Variants in PRSS23 observed in about 807,000 individuals in gnomAD.
PRSS23 encodes serine protease 23, also known as protease, serine 23.
PRSS23 carries 25 observed loss-of-function variants against 34.7 expected under a neutral mutation model. The ratio of observed to expected loss-of-function variants is 0.72; its 90% confidence interval spans 0.53 to 1.01. PRSS23 has a LOEUF of 1.01. PRSS23 is among the 50% of genes least tolerant of loss of function. PRSS23 has a pLI of 0.00. For missense variants in PRSS23, 445 were observed against 475.6 expected (o/e 0.94, Z 0.60); for synonymous variants, 176 against 186.6 (o/e 0.94, Z 0.46).
At chr11:86,936,180 C>G (rs779104158) in intron 2 of PRSS23, 1 of 152,226 alleles carries the variant, frequency 6.6e-6, no homozygotes, top group Non-Finnish European at 1.5e-5. Flanking sequence ...AACCACCTGG[C>G]AGGACTTGGG....
At chr11:86,936,649 A>G (rs1268034113) in intron 2 of PRSS23, 1 of 152,092 alleles carries the variant, frequency 6.6e-6, no homozygotes, top group Non-Finnish European at 1.5e-5. Context: ...CATACCTGTA[A>G]TCCCAGTATT....
intron 2 of PRSS23, among the ~76,000 whole-genome samples, chr11:86,824,451 A>G (rs1056315610): frequency 2.0e-5 from 3 of 150,798 alleles, no homozygotes; most frequent in Non-Finnish European, 4.4e-5. Context: ...GATGGAACCC[A>G]GTCTTTTTAT....
chr11:86,862,301 T>G (rs1389325532), intron 2 of PRSS23, among the ~76,000 whole-genome samples: 3 of 151,950 alleles, frequency 2.0e-5, no homozygotes, highest in African/African-American at 4.8e-5. Flanking sequence ...ACAGCGGGTG[T>G]ACATCCTGTG....
chr11:86,861,114 T>C (rs1948610287), intron 2 of PRSS23, among the ~76,000 whole-genome samples: 1 of 151,546 alleles, frequency 6.6e-6, no homozygotes, highest in East Asian at 1.9e-4. Flanking sequence ...TAATACCCTG[T>C]GTGTCCACCC....
chr11:86,933,216 C>A (rs1949138189), intron 2 of PRSS23: 1 of 152,246 alleles, frequency 6.6e-6, no homozygotes, highest in African/African-American at 2.4e-5. Flanking sequence ...CTGACTCTCC[C>A]CTAATTTCTA....
intron 2 of PRSS23, chr11:86,949,961 G>A (rs1312982342): frequency 3.9e-5 from 6 of 152,430 alleles, no homozygotes; most frequent in African/African-American, 1.4e-4. Context: ...GTCCTAAGTA[G>A]ACCAGATTCT....
chr11:86,834,553 T>TTCCTTTCCTTTCCTTTCCTTTCC (rs1448602144), intron 2 of PRSS23, among the ~76,000 whole-genome samples: 2 of 81,006 alleles, frequency 2.5e-5, no homozygotes, highest in South Asian at 4.5e-4. Context: ...TTCCTTTCCT[T>TTCCTTTCCTTTCCTTTCCTTTCC]TTTCCTTTCC....
At chr11:86,928,263 T>C (rs1949095769) in intron 2 of PRSS23, among the ~76,000 whole-genome samples, 1 of 148,320 alleles carries the variant, frequency 6.7e-6, no homozygotes, top group African/African-American at 2.4e-5. Flanking sequence ...TATATACTTA[T>C]ACATATGTTT....
chr11:86,881,255 CT>C (rs60383309), intron 2 of PRSS23, among the ~76,000 whole-genome samples: 73,832 of 137,922 alleles, frequency 0.54, 19,594 homozygotes, highest in African/African-American at 0.68. Context: ...TTGTTGAGTG[CT>C]TTTTTTTTTT....
At chr11:86,843,965 G>A (rs919292626) in intron 2 of PRSS23, among the ~76,000 whole-genome samples, 6 of 152,150 alleles carry the variant, frequency 3.9e-5, no homozygotes, top group Admixed American at 6.5e-5. Context: ...ACATGCCCAC[G>A]AATGTTTATT....
At chr11:86,878,165 G>A (rs1948737594) in intron 2 of PRSS23, among the ~76,000 whole-genome samples, 1 of 132,976 alleles carries the variant, frequency 7.5e-6, no homozygotes, top group Non-Finnish European at 1.6e-5. Flanking sequence ...ATTGTTCATT[G>A]GCAATATATA....
intron 2 of PRSS23, among the ~76,000 whole-genome samples, chr11:86,917,675 C>G (rs1175455002): frequency 6.6e-6 from 1 of 152,186 alleles, no homozygotes; most frequent in Non-Finnish European, 1.5e-5. Context: ...CCACAGTCAT[C>G]CTGGCTATCA....
At chr11:86,945,493 T>C (rs1286130937) in intron 2 of PRSS23, among the ~76,000 whole-genome samples, 2 of 152,102 alleles carry the variant, frequency 1.3e-5, no homozygotes, top group East Asian at 1.9e-4. Context: ...CCTTAGACTG[T>C]GGGGGTTTGC....
At chr11:86,857,197 C>T in intron 2 of PRSS23, 1 of 328,342 alleles carries the variant, frequency 3.0e-6, no homozygotes, top group Non-Finnish European at 5.7e-6. Flanking sequence ...CACTCCATTC[C>T]TGGGAGATGA....
At chr11:86,817,960 T>C (rs192387728) in intron 1 of PRSS23, among the ~76,000 whole-genome samples, 2 of 152,308 alleles carry the variant, frequency 1.3e-5, no homozygotes, top group Admixed American at 6.5e-5. Flanking sequence ...ATTCTACTAA[T>C]AGCAAGGTGC....
chr11:86,896,069 A>G (rs564316011), intron 2 of PRSS23, among the ~76,000 whole-genome samples: 33 of 152,254 alleles, frequency 2.2e-4, no homozygotes, highest in South Asian at 6.2e-4. Context: ...ATTTATTTTG[A>G]AATGGGGGTC....
At chr11:86,894,285 C>T (rs939580266) in intron 2 of PRSS23, among the ~76,000 whole-genome samples, 1 of 152,208 alleles carries the variant, frequency 6.6e-6, no homozygotes, top group Non-Finnish European at 1.5e-5. Flanking sequence ...GCTGAGATTA[C>T]AGGCATGAGC....
chr11:86,868,401 G>T (rs914986404), intron 2 of PRSS23, among the ~76,000 whole-genome samples: 1 of 152,172 alleles, frequency 6.6e-6, no homozygotes, highest in Admixed American at 6.5e-5. Context: ...GTGGTTAAGA[G>T]CAGGGAAAGA....
intron 2 of PRSS23, among the ~76,000 whole-genome samples, chr11:86,832,122 G>A (rs1049667859): frequency 6.6e-6 from 1 of 152,074 alleles, no homozygotes; most frequent in African/African-American, 2.4e-5. Flanking sequence ...CTATGGGGAT[G>A]TTGTTAATAT....
Sources: allele counts gnomAD v4.1 joint callset (sites outside exome capture counted in the v4.1 genomes callset), GRCh38; gene constraint gnomAD v4.1.1; transcripts MANE v1.5; gene names NCBI Gene and HGNC (gene_info 2026-07-23, HGNC 2026-07-21).